The following ZNF536 variants were observed in gnomAD, a reference collection of about 807,000 sequenced individuals.
The protein encoded by ZNF536 is zinc finger protein 536.
A neutral mutation model predicts 84.5 loss-of-function variants in ZNF536; 13 were observed. The ratio of observed to expected loss-of-function variants is 0.15; its 90% CI spans 0.10 to 0.24. The LOEUF (loss-of-function observed/expected upper bound fraction) is 0.24. ZNF536 is among the 10% of genes least tolerant of loss of function. The pLI, the probability that ZNF536 is intolerant of heterozygous loss-of-function variation, is 1.00. For missense variants in ZNF536, 1,536 were observed against 1,747.5 expected (o/e 0.88, Z 2.16); for synonymous variants, 811 against 742.5 (o/e 1.09, Z -1.50).
At chr19:30,452,579 C>T (rs760817364) in intron 2 of ZNF536, among the ~76,000 whole-genome samples, 14 of 152,176 alleles carry the variant, frequency 9.2e-5, no homozygotes. Flanking sequence ...GAGATGGAGA[C>T]AGTGAATTTC....
chr19:30,233,014 A>G (rs1228097737), intron 1 of ZNF536, among the ~76,000 whole-genome samples: 1 of 152,090 alleles, frequency 6.6e-6, no homozygotes, highest in Non-Finnish European at 1.5e-5. Context: ...ACCTTTGGGG[A>G]CTGCACAAGC....
At chr19:30,470,002 C>G (rs1349488022) in intron 2 of ZNF536, among the ~76,000 whole-genome samples, 1 of 152,176 alleles carries the variant, frequency 6.6e-6, no homozygotes, top group Non-Finnish European at 1.5e-5. Flanking sequence ...AGAGATGTAA[C>G]CAAAAAACAA....
intron 2 of ZNF536, among the ~76,000 whole-genome samples, chr19:30,450,945 G>C (rs913953183): frequency 6.6e-6 from 1 of 152,200 alleles, no homozygotes; most frequent in Non-Finnish European, 1.5e-5. Context: ...AGCTGTGAAA[G>C]CCGAGCGCCA....
chr19:30,474,311 C>CTT lies in ZNF536; in HGVS notation c.2170+28581_2170+28582dup, dbSNP rs1483427721. ...GACCAGCTAGAGGCTCATAAACCCT[C>CTT]TTTCTCTCTCTCTCTCTCTCTGTGT... On this transcript the variant is annotated intron_variant, in intron 2 of 4. Transcript: ENST00000355537. 5.4e-5 allele frequency among the ~76,000 whole-genome samples: 8 copies of CTT among 149,410 alleles called. 1 individual carries two copies. The South Asian group carries it at 1.3e-3, about 25-fold the overall frequency.
At chr19:30,641,479 T>C (rs1223314058) in intron 1 of ZNF536, among the ~76,000 whole-genome samples, 1 of 152,206 alleles carries the variant, frequency 6.6e-6, no homozygotes, top group Non-Finnish European at 1.5e-5. Flanking sequence ...TATTAAAACG[T>C]ATATGTATAA....
chr19:30,653,465 G>T (rs542002364), intron 1 of ZNF536, among the ~76,000 whole-genome samples: 1 of 152,332 alleles, frequency 6.6e-6, no homozygotes, highest in Admixed American at 6.5e-5. Flanking sequence ...GGTTTTGTTT[G>T]ACTTGTCCGA....
At chr19:30,460,184 T>G (rs2053069097) in intron 2 of ZNF536, among the ~76,000 whole-genome samples, 1 of 152,220 alleles carries the variant, frequency 6.6e-6, no homozygotes, top group African/African-American at 2.4e-5. Flanking sequence ...CAGTCACTGC[T>G]GCCAGGGGAA....
chr19:30,232,005 C>A (rs2023088263), intron 1 of ZNF536, among the ~76,000 whole-genome samples: 1 of 151,942 alleles, frequency 6.6e-6, no homozygotes, highest in Non-Finnish European at 1.5e-5. Flanking sequence ...GAAAATGCAT[C>A]TTCAGAATAG....
intron 1 of ZNF536, among the ~76,000 whole-genome samples, chr19:30,412,916 T>C (rs2050554945): frequency 6.6e-6 from 1 of 152,104 alleles, no homozygotes; most frequent in African/African-American, 2.4e-5. Context: ...CTATAGTTAT[T>C]CTTTTATTCA....
chr19:30,334,957 G>T (rs941623608), intron 2 of ZNF536, among the ~76,000 whole-genome samples: 10 of 152,190 alleles, frequency 6.6e-5, no homozygotes, highest in Non-Finnish European at 2.9e-5. Context: ...AGGAGATGGG[G>T]CTCAGGCGGG....
At chr19:30,384,301 CTCCCCTCCCCTCCCT>C (rs1434344235) in intron 1 of ZNF536, among the ~76,000 whole-genome samples, 1 of 5,494 alleles carries the variant, frequency 1.8e-4, no homozygotes. Context: ...TTTCCTTCCC[CTCCCCTCCCCTCCCT>C]TCCCCTCCCC....
chr19:30,620,331 A>G (rs1004564424), intron 1 of ZNF536, among the ~76,000 whole-genome samples: 1 of 125,288 alleles, frequency 8.0e-6, no homozygotes, highest in African/African-American at 3.1e-5. Flanking sequence ...CTAAACGTTC[A>G]CTCAAACATT....
intron 2 of ZNF536, among the ~76,000 whole-genome samples, chr19:30,338,120 ATGATGATGG>A (rs1057071288): frequency 3.3e-5 from 5 of 151,390 alleles, no homozygotes; most frequent in African/African-American, 4.9e-5. Flanking sequence ...GATTATGATG[ATGATGATGG>A]TGATGATGGT....
At chr19:30,360,704 G>A (rs941143880) in intron 3 of ZNF536, among the ~76,000 whole-genome samples, 2 of 152,208 alleles carry the variant, frequency 1.3e-5, no homozygotes, top group Non-Finnish European at 2.9e-5. Flanking sequence ...CGACTTCCCA[G>A]GATTCTGCTG....
At chr19:30,442,627 A>G (rs2052106976) in intron 1 of ZNF536, among the ~76,000 whole-genome samples, 1 of 152,178 alleles carries the variant, frequency 6.6e-6, no homozygotes, top group South Asian at 2.1e-4. Context: ...TTTGACCCAA[A>G]TTTGAACAAC....
chr19:30,361,814 G>T (rs1007446360), intron 3 of ZNF536, among the ~76,000 whole-genome samples: 7 of 151,390 alleles, frequency 4.6e-5, no homozygotes, highest in African/African-American at 1.7e-4. Flanking sequence ...CGTCCTCCAG[G>T]GTGGGGTGGG....
intron 1 of ZNF536, among the ~76,000 whole-genome samples, chr19:30,434,577 A>G (rs1161471458): frequency 6.6e-6 from 1 of 152,252 alleles, no homozygotes; most frequent in Non-Finnish European, 1.5e-5. Context: ...TTGTATTGGA[A>G]TAACATAGCA....
intron 3 of ZNF536, among the ~76,000 whole-genome samples, chr19:30,358,683 A>C (rs1023491566): frequency 2.0e-5 from 3 of 152,200 alleles, no homozygotes; most frequent in Admixed American, 6.5e-5. Context: ...TCCAAGTCTA[A>C]CTTGTGCCAA....
chr19:30,345,458 A>C (rs1397250303), intron 2 of ZNF536, among the ~76,000 whole-genome samples: 2 of 152,272 alleles, frequency 1.3e-5, no homozygotes, highest in South Asian at 4.1e-4. Flanking sequence ...ATCTGTGGTC[A>C]GTTTCAAGAA....
Sources: gnomAD v4.1 joint callset for allele counts (sites outside exome capture counted in the v4.1 genomes callset) on GRCh38, gnomAD v4.1.1 for gene constraint, MANE v1.5 for transcripts, NCBI Gene and HGNC (gene_info 2026-07-23, HGNC 2026-07-21) for gene names.